The following ASTN1 variants were observed in gnomAD, a reference collection of about 807,000 sequenced individuals.
ASTN1 encodes astrotactin 1, also known as astrotactin-1.
ASTN1 carries 41 observed loss-of-function variants against 140.7 expected under a neutral mutation model. That is an observed-to-expected ratio of 0.29 (90% CI 0.23 to 0.38). The LOEUF is 0.38. Ranked by LOEUF, ASTN1 falls within the 10% of genes least tolerant of loss-of-function variation. The pLI, the probability that ASTN1 is intolerant of heterozygous loss-of-function variation, is 1.00. For missense variants in ASTN1, 1,479 were observed against 1,678.8 expected (o/e 0.88, Z 2.08); for synonymous variants, 640 against 652.2 (o/e 0.98, Z 0.29).
chr1:176,893,539 A>G (rs1250590598), intron 17 of ASTN1, among the ~76,000 whole-genome samples: 1 of 152,218 alleles, frequency 6.6e-6, no homozygotes, highest in Admixed American at 6.5e-5. Flanking sequence ...TGGCTGAGGC[A>G]GGTAGGCGAG....
chr1:177,121,662 C>T (rs1445383949), intron 1 of ASTN1, among the ~76,000 whole-genome samples: 2 of 152,142 alleles, frequency 1.3e-5, no homozygotes, highest in Non-Finnish European at 2.9e-5. Context: ...TCCTTCTTCC[C>T]TTCCTCCAAC....
At chr1:177,047,800 T>C (rs1374797598) in intron 2 of ASTN1, among the ~76,000 whole-genome samples, 1 of 152,166 alleles carries the variant, frequency 6.6e-6, no homozygotes, top group East Asian at 1.9e-4. Flanking sequence ...AGTCTGCAGG[T>C]ACAGAAAGTG....
intron 11 of ASTN1, 62 bp from the exon 12 acceptor site, chr1:176,949,413 C>A: frequency 1.3e-6 from 2 of 1,535,738 alleles, no homozygotes. Flanking sequence ...TCTCTGGGAA[C>A]TGAGTGTAAC....
chr1:177,007,971 T>C (rs955138518), intron 8 of ASTN1, among the ~76,000 whole-genome samples: 1 of 152,222 alleles, frequency 6.6e-6, no homozygotes, highest in Non-Finnish European at 1.5e-5. Flanking sequence ...AAGAACAGTG[T>C]ATCACTGTAT....
chr1:177,086,788 C>T (rs565388008), intron 1 of ASTN1, among the ~76,000 whole-genome samples: 3 of 152,186 alleles, frequency 2.0e-5, no homozygotes, highest in Middle Eastern at 6.8e-3. Flanking sequence ...AAAAATTCTT[C>T]TCTATATTTT....
intron 5 of ASTN1, among the ~76,000 whole-genome samples, chr1:177,026,901 G>T (rs1183164577): frequency 1.3e-5 from 2 of 152,106 alleles, no homozygotes; most frequent in Non-Finnish European, 2.9e-5. Flanking sequence ...GTCCCTGGGA[G>T]GATCCTTCAT....
At chr1:176,997,618 C>T (rs918836563) in intron 8 of ASTN1, among the ~76,000 whole-genome samples, 17 of 151,954 alleles carry the variant, frequency 1.1e-4, no homozygotes, top group African/African-American at 4.1e-4. Context: ...AGAAATCTCA[C>T]CAGTAGCAAT....
intron 8 of ASTN1, among the ~76,000 whole-genome samples, chr1:176,965,576 T>G (rs537878620): frequency 1.3e-5 from 2 of 152,350 alleles, no homozygotes; most frequent in South Asian, 4.1e-4. Context: ...TAGCTTGGGC[T>G]CCCTTAAGAA....
At chr1:177,087,218 T>C (rs1411646222) in intron 1 of ASTN1, among the ~76,000 whole-genome samples, 1 of 152,152 alleles carries the variant, frequency 6.6e-6, no homozygotes, top group Non-Finnish European at 1.5e-5. Flanking sequence ...AATACCTCCA[T>C]GACACAGATG....
At chr1:176,934,369 A>T in intron 15 of ASTN1, 29 bp from the exon 16 acceptor site, 1 of 1,565,714 alleles carries the variant, frequency 6.4e-7, no homozygotes, top group Non-Finnish European at 8.7e-7. Context: ...CAAGGGTAAG[A>T]ATGAGGGCTC....
At chr1:177,072,682 GC>G (rs1254657337) in intron 1 of ASTN1, among the ~76,000 whole-genome samples, 1 of 152,092 alleles carries the variant, frequency 6.6e-6, no homozygotes, top group Non-Finnish European at 1.5e-5. Flanking sequence ...TCCTCTACAA[GC>G]CCTCCAAACA....
intron 17 of ASTN1, among the ~76,000 whole-genome samples, chr1:176,890,034 C>A (rs544136630): frequency 1.3e-5 from 2 of 152,324 alleles, no homozygotes; most frequent in African/African-American, 4.8e-5. Flanking sequence ...CCTTGCAGAG[C>A]CTTCAATCAA....
At chr1:177,016,724 T>A (rs1158331009) in intron 7 of ASTN1, among the ~76,000 whole-genome samples, 3 of 152,312 alleles carry the variant, frequency 2.0e-5, no homozygotes, top group African/African-American at 7.2e-5. Context: ...TATGAGTAGG[T>A]CTTTGACAAA....
In ASTN1 at chr1:176,971,128, G is replaced by A. The variant is rs1435916173; in HGVS notation, c.1524-5891C>T. On this transcript the variant is annotated intron_variant, in intron 8 of 22. Transcript: ENST00000361833. ...ACTAGGTAAATAAATTGCAAGAAGG[G>A]TGTAGTGAAACAGAGAGAATAGAAG... Among the ~76,000 whole-genome samples, 3 of 152,306 alleles carry A rather than the reference G, an allele frequency of 2.0e-5. No homozygotes were observed. In the South Asian group the frequency reaches 6.2e-4, roughly 32 times the overall value.
chr1:176,957,796 C>T lies in ASTN1; in HGVS notation c.1769G>A (p.Ser590Asn), dbSNP rs752513548. 1 of 1,613,984 alleles carries T rather than the reference C, an allele frequency of 6.2e-7. No individual in the cohort carries two copies. The highest frequency in any genetic ancestry group is 1.7e-5 in the Admixed American group (1 of 60,004). The change falls in exon 11 of 23, where the codon AGC (serine) becomes AAC (asparagine). Residue 590 changes from serine to asparagine, a missense_variant. Ser to Asn is a conservative substitution (Grantham distance 46, BLOSUM62 1). Around this residue, in one of 3 missense-constraint regions of ASTN1, gnomAD observed 729 missense variants for 860.4 expected, o/e 0.85. Transcript: ENST00000361833. ...EELMTSSSFD[S>N]LEVLLDSFGP... ...AAAGGAATCTAAGAGAACCTCCAGG[C>T]TGTCGAAGGAGGATGAAGTCATCAG...
chr1:176,993,560 G>C (rs1299570515), intron 8 of ASTN1, among the ~76,000 whole-genome samples: 1 of 152,048 alleles, frequency 6.6e-6, no homozygotes, highest in East Asian at 1.9e-4. Context: ...CCTCCTTTCA[G>C]AAAAACACCT....
intron 16 of ASTN1, among the ~76,000 whole-genome samples, chr1:176,922,619 A>G (rs958597740): frequency 6.7e-6 from 1 of 148,192 alleles, no homozygotes; most frequent in African/African-American, 2.5e-5. Context: ...TTGTTTCCTG[A>G]TCTTTTCCAA....
chr1:177,029,396 C>T (rs764008008), intron 5 of ASTN1: 2 of 722,494 alleles, frequency 2.8e-6, no homozygotes, highest in Non-Finnish European at 5.2e-6. Flanking sequence ...GCCTTTCAAA[C>T]AATTTGGAAA....
At chr1:176,934,797 G>A (rs908203090) in intron 15 of ASTN1, among the ~76,000 whole-genome samples, 4 of 152,090 alleles carry the variant, frequency 2.6e-5, no homozygotes. Flanking sequence ...GTGCATGTGG[G>A]AGTATGTGTA....
Sources: allele counts gnomAD v4.1 joint callset (sites outside exome capture counted in the v4.1 genomes callset), GRCh38; gene constraint gnomAD v4.1.1; regional missense constraint gnomAD v4.1.1; transcripts MANE v1.5; gene names NCBI Gene and HGNC (gene_info 2026-07-23, HGNC 2026-07-21).